Variants in PPP2R5C observed in about 807,000 individuals in gnomAD.
PPP2R5C encodes protein phosphatase 2 regulatory subunit B'gamma.
Under a neutral mutation model 68.9 loss-of-function variants are expected in PPP2R5C, and 7 were observed. That is an observed-to-expected ratio of 0.10 (90% confidence interval 0.06 to 0.19). The LOEUF (loss-of-function observed/expected upper bound fraction) is 0.19, where lower values mean the gene tolerates loss of function less well. Among genes scored for constraint, PPP2R5C ranks in the 10% least tolerant of loss-of-function variants. PPP2R5C has a pLI of 1.00. For synonymous variants in PPP2R5C, 210 were observed against 222.2 expected, an observed-to-expected ratio of 0.95 and a Z score of 0.49; for missense variants, 348 against 641.3, an observed-to-expected ratio of 0.54 and a Z score of 4.94.
At chr14:101,803,742 A>C (rs1451737144) in intron 3 of PPP2R5C, among the ~76,000 whole-genome samples, 1 of 152,082 alleles carries the variant, frequency 6.6e-6, no homozygotes, top group African/African-American at 2.4e-5. Context: ...AAAAAAAAAA[A>C]AATCTAAGAC....
chr14:101,796,886 A>T (rs2038637293), intron 3 of PPP2R5C: 10 of 304,732 alleles, frequency 3.3e-5, no homozygotes, highest in South Asian at 2.9e-4. Flanking sequence ...CCCTGGCTCA[A>T]GCCGTCCTTA....
intron 3 of PPP2R5C, among the ~76,000 whole-genome samples, chr14:101,802,951 TAAAAAAAAA>T (rs571594853): frequency 3.0e-5 from 3 of 99,932 alleles, no homozygotes; most frequent in East Asian, 2.7e-4. Flanking sequence ...GGCTACTATT[TAAAAAAAAA>T]AAAAAAAAAA....
chr14:101,902,029 A>G, intron 9 of PPP2R5C, 140 bp downstream of exon 11: 2 of 891,102 alleles, frequency 2.2e-6, no homozygotes, highest in Admixed American at 2.8e-5. Context: ...TTATACTTCA[A>G]ATACGATGCT....
At chr14:101,841,510 C>A (rs1417746371) in intron 1 of PPP2R5C, among the ~76,000 whole-genome samples, 3 of 152,186 alleles carry the variant, frequency 2.0e-5, no homozygotes, top group African/African-American at 7.2e-5. Context: ...AGACACGGGG[C>A]CGGCTCGTTC....
chr14:101,815,239 T>C (rs921863831), intron 1 of PPP2R5C, among the ~76,000 whole-genome samples: 2 of 152,140 alleles, frequency 1.3e-5, no homozygotes, highest in Non-Finnish European at 2.9e-5. Flanking sequence ...CCTCAGTCAG[T>C]CTGATAGCAA....
chr14:101,805,102 C>T (rs2039022972), upstream of PPP2R5C, among the ~76,000 whole-genome samples: 1 of 152,064 alleles, frequency 6.6e-6, no homozygotes, highest in African/African-American at 2.4e-5. Context: ...TTTTTAGGGT[C>T]TGTTTGTTTG....
chr14:101,801,839 ATCC>A (rs2038874412), intron 3 of PPP2R5C, among the ~76,000 whole-genome samples: 1 of 152,234 alleles, frequency 6.6e-6, no homozygotes, highest in African/African-American at 2.4e-5. Context: ...GAAAAGTTTC[ATCC>A]TAAGATTCAT....
At chr14:101,908,882 T>C (rs1026731417) in intron 10 of PPP2R5C, among the ~76,000 whole-genome samples, 2 of 152,198 alleles carry the variant, frequency 1.3e-5, no homozygotes, top group African/African-American at 4.8e-5. Context: ...TAAGAAGGAA[T>C]TATGATTTGA....
chr14:101,864,292 G>A lies in PPP2R5C; in HGVS notation c.294+7407G>A, dbSNP rs550562474. On this transcript the variant is annotated intron_variant, in intron 2 of 13. Coordinates refer to ENST00000334743, the Ensembl canonical transcript of PPP2R5C. ...GAGTCGGATGACTCAGAAGTACTTCGCATTAGAGTGGACCTCTCCAGAAAT... is the reference window on the plus strand; with the variant it reads ...GAGTCGGATGACTCAGAAGTACTTCACATTAGAGTGGACCTCTCCAGAAAT... Among the ~76,000 whole-genome samples, 54 of 152,206 alleles carry A rather than the reference G, an allele frequency of 3.5e-4. 2 individuals are homozygous for A. The South Asian group carries it at 6.2e-3, about 18-fold the overall frequency.
chr14:101,923,663 G>GTGA (rs2047132366), intron 13 of PPP2R5C, among the ~76,000 whole-genome samples: 4 of 152,150 alleles, frequency 2.6e-5, no homozygotes, highest in Admixed American at 2.0e-4. Context: ...CCTACCATGA[G>GTGA]TGAATGTTAA....
chr14:101,802,630 C>G (rs943957761), intron 3 of PPP2R5C, among the ~76,000 whole-genome samples: 3 of 151,966 alleles, frequency 2.0e-5, no homozygotes, highest in African/African-American at 7.3e-5. Flanking sequence ...ATAGATTGGA[C>G]TACATAAAAA....
intron 1 of PPP2R5C, among the ~76,000 whole-genome samples, chr14:101,833,218 G>A (rs1158455067): frequency 6.6e-6 from 1 of 152,186 alleles, no homozygotes; most frequent in African/African-American, 2.4e-5. Context: ...GAAAAACATG[G>A]GCGCCTAGGT....
chr14:101,881,313 T>G (rs1243044233), intron 2 of PPP2R5C, among the ~76,000 whole-genome samples: 1 of 152,092 alleles, frequency 6.6e-6, no homozygotes, highest in Non-Finnish European at 1.5e-5. Context: ...GGCACAAGAA[T>G]CACTTGAACC....
chr14:101,800,122 A>T lies in PPP2R5C; in HGVS notation c.259+13939A>T, dbSNP rs1032596865. ...AAATTAGCCAGGCATGCTGGTGCAC[A>T]CCTGTAGTCCCAGATACTTGGGAGG... On this transcript the variant is annotated intron_variant, in intron 3 of 14. Coordinates refer to the PPP2R5C transcript ENST00000328724. 1.3e-5 allele frequency among the ~76,000 whole-genome samples: 2 copies of T among 151,862 alleles called. 1 individual carries two copies. Among genetic ancestry groups the T allele is most frequent in the South Asian group, 4.2e-4 (2 of 4,800 alleles).
At chr14:101,850,354 G>T (rs779127354) in intron 1 of PPP2R5C, among the ~76,000 whole-genome samples, 1 of 152,190 alleles carries the variant, frequency 6.6e-6, no homozygotes, top group Non-Finnish European at 1.5e-5. Flanking sequence ...AGAAAATTAA[G>T]TGTTTTTAAA....
intron 11 of PPP2R5C, 73 bp from the exon 14 acceptor site, chr14:101,912,328 G>A (rs184247414): frequency 1.5e-6 from 2 of 1,336,966 alleles, no homozygotes; most frequent in South Asian, 1.6e-5. Context: ...CAACATGCCT[G>A]TGCCTTTTCC....
intron 1 of PPP2R5C, chr14:101,820,035 G>A (rs2039957288): frequency 6.6e-6 from 1 of 152,152 alleles, no homozygotes; most frequent in Admixed American, 6.5e-5. Flanking sequence ...TGAGTTATGA[G>A]CCAAAATAGC....
At chr14:101,775,874 G>T (rs1353919250) in intron 2 of PPP2R5C, among the ~76,000 whole-genome samples, 1 of 151,826 alleles carries the variant, frequency 6.6e-6, no homozygotes. Context: ...CAGAATCCCA[G>T]ATCCTCACAG....
intron 9 of PPP2R5C, among the ~76,000 whole-genome samples, chr14:101,902,622 G>T (rs550636049): frequency 6.6e-6 from 1 of 152,196 alleles, no homozygotes; most frequent in Non-Finnish European, 1.5e-5. Context: ...GGAAGAGAGT[G>T]ACCATGTCAC....
Sources: gnomAD v4.1 joint callset for allele counts (sites outside exome capture counted in the v4.1 genomes callset) on GRCh38, gnomAD v4.1.1 for gene constraint, MANE v1.5 for transcripts, NCBI Gene and HGNC (gene_info 2026-07-23, HGNC 2026-07-21) for gene names.